GRAMD1B: variants seen among roughly 807,000 people sequenced by gnomAD.
The protein encoded by GRAMD1B is protein Aster-B.
A neutral mutation model predicts 99.7 loss-of-function variants in GRAMD1B; 37 were observed. The observed-to-expected ratio is 0.37, with a 90% CI of 0.29 to 0.49. The LOEUF is 0.49. Ranked by LOEUF, GRAMD1B falls within the 20% of genes least tolerant of loss-of-function variation. GRAMD1B has a pLI of 0.98. For synonymous variants in GRAMD1B, 427 were observed against 387.6 expected (o/e 1.10, Z -1.19); for missense variants, 888 against 1,009.2 (o/e 0.88, Z 1.63).
intron 1 of GRAMD1B, among the ~76,000 whole-genome samples, chr11:123,403,486 TA>T (rs1947745106): frequency 2.0e-5 from 3 of 146,406 alleles, no homozygotes; most frequent in African/African-American, 7.6e-5. Context: ...ATAATAATAA[TA>T]ATAATTTCGT....
At chr11:123,598,792 A>G in intron 7 of GRAMD1B, 1 of 999,506 alleles carries the variant, frequency 1.0e-6, no homozygotes, top group African/African-American at 1.6e-5. Context: ...CCATTCTCCC[A>G]TTTCTTCTCA....
chr11:123,532,889 A>T (rs887052895), intron 2 of GRAMD1B, among the ~76,000 whole-genome samples: 4 of 152,232 alleles, frequency 2.6e-5, no homozygotes, highest in African/African-American at 9.6e-5. Context: ...GGCTGATCTA[A>T]AACATTTATT....
At chr11:123,523,827 G>T (rs1942429297) in intron 2 of GRAMD1B, among the ~76,000 whole-genome samples, 1 of 152,170 alleles carries the variant, frequency 6.6e-6, no homozygotes, top group Non-Finnish European at 1.5e-5. Flanking sequence ...TTCAATATCT[G>T]TGCTGAAAGT....
At chr11:123,536,913 C>T (rs755776168) in intron 2 of GRAMD1B, among the ~76,000 whole-genome samples, 1 of 152,120 alleles carries the variant, frequency 6.6e-6, no homozygotes, top group Non-Finnish European at 1.5e-5. Context: ...GGCAAGTCAC[C>T]AATGACCTCA....
At chr11:123,601,989 A>G (rs1242998194) in intron 8 of GRAMD1B, among the ~76,000 whole-genome samples, 3 of 152,234 alleles carry the variant, frequency 2.0e-5, no homozygotes, top group South Asian at 2.1e-4. Context: ...GCAGGGCAGT[A>G]TATGGTTTGG....
intron 2 of GRAMD1B, among the ~76,000 whole-genome samples, chr11:123,553,358 C>T (rs1945816103): frequency 1.0e-5 from 1 of 98,908 alleles, no homozygotes; most frequent in African/African-American, 5.7e-5. Context: ...AAGCTCTGTT[C>T]CCAGTGAGCT....
At chr11:123,442,296 T>C (rs1949445602) in intron 1 of GRAMD1B, among the ~76,000 whole-genome samples, 1 of 152,184 alleles carries the variant, frequency 6.6e-6, no homozygotes, top group Non-Finnish European at 1.5e-5. Context: ...CTGAGATCTA[T>C]ACTTCTGACC....
At chr11:123,609,150 G>A (rs966030821) in intron 12 of GRAMD1B, among the ~76,000 whole-genome samples, 10 of 152,126 alleles carry the variant, frequency 6.6e-5, no homozygotes, top group African/African-American at 2.4e-4. Flanking sequence ...TGCCATGCAC[G>A]TGACGTTATC....
intron 2 of GRAMD1B, among the ~76,000 whole-genome samples, chr11:123,506,032 G>A (rs1440679369): frequency 6.6e-6 from 1 of 152,184 alleles, no homozygotes; most frequent in Non-Finnish European, 1.5e-5. Flanking sequence ...GGAGAGAAGG[G>A]ATTTCACCTC....
In GRAMD1B at chr11:123,622,952, TA is replaced by T. The variant is rs1339713972; in HGVS notation, c.*359del. On this transcript the variant is annotated 3_prime_UTR_variant, in exon 20 of 20. Coordinates refer to ENST00000635736, the MANE Select transcript of GRAMD1B (RefSeq NM_001387025.1). ...GCCAAAGTTATGCCTGCGAAGACCC[TA>T]AGGTCTCAAAAAGAAGTCTTAAGAC... 1 of 152,386 alleles carries T rather than the reference TA, an allele frequency of 6.6e-6. No individual in the cohort carries two copies. Among genetic ancestry groups the T allele is most frequent in the East Asian group, 1.9e-4 (1 of 5,180 alleles). The allele number at this position is 152,386 out of a possible 1,614,324, so 9.4% of individuals were successfully genotyped here. A position where few individuals can be genotyped will look rare whatever the true frequency, so the allele number is the denominator to read the frequency against.
Position 123,492,881 on chromosome 11 carries a change from C to CACACAT in GRAMD1B, c.452+11993_452+11994insTACACA, listed in dbSNP as rs1183515617. Among the ~76,000 whole-genome samples, 3 of 151,838 alleles carry CACACAT rather than the reference C, an allele frequency of 2.0e-5. No homozygotes were observed. The highest frequency in any genetic ancestry group is 6.6e-5 in the Admixed American group (1 of 15,238). On this transcript the variant is annotated intron_variant, in intron 2 of 19. Transcript: ENST00000635736. This position sits in a 1 kb window ranked among gnomAD's most constrained non-coding sequence, Gnocchi z 4.2. ...TTTCACACATACACACACACACACACACACACACACACACGCATAGGCATA... is the reference window on the plus strand; with the variant it reads ...TTTCACACATACACACACACACACACACACATACACACACACACACGCATAGGCATA...
intron 1 of GRAMD1B, among the ~76,000 whole-genome samples, chr11:123,464,593 A>C (rs976572234): frequency 1.3e-5 from 2 of 152,132 alleles, no homozygotes; most frequent in South Asian, 4.1e-4. Context: ...GCCTGTTAAA[A>C]CTCCTTCAGG....
intron 2 of GRAMD1B, among the ~76,000 whole-genome samples, chr11:123,566,639 G>A (rs551112515): frequency 1.9e-4 from 29 of 152,240 alleles, no homozygotes; most frequent in Non-Finnish European, 3.4e-4. Context: ...GGTGGCGGGC[G>A]CCTGTAGTCC....
chr11:123,437,554 A>T (rs180764945), intron 1 of GRAMD1B, among the ~76,000 whole-genome samples: 1 of 152,038 alleles, frequency 6.6e-6, no homozygotes, highest in Non-Finnish European at 1.5e-5. Context: ...CCTGGCTGTT[A>T]TGTCCCTTCT....
intron 1 of GRAMD1B, among the ~76,000 whole-genome samples, chr11:123,400,369 C>T (rs974946993): frequency 1.8e-4 from 28 of 152,014 alleles, no homozygotes; most frequent in African/African-American, 5.8e-4. Flanking sequence ...CCCAGCTACT[C>T]GGGAGGCTGA....
At chr11:123,520,939 G>A (rs1481296149) in intron 2 of GRAMD1B, among the ~76,000 whole-genome samples, 2 of 152,130 alleles carry the variant, frequency 1.3e-5, no homozygotes, top group Admixed American at 6.6e-5. Flanking sequence ...TCAATGCTGT[G>A]TACTGTTCCA....
At chr11:123,397,457 T>C (rs903715401) in intron 1 of GRAMD1B, among the ~76,000 whole-genome samples, 1 of 147,778 alleles carries the variant, frequency 6.8e-6, no homozygotes, top group Non-Finnish European at 1.5e-5. Context: ...ATGAAAAATA[T>C]TTGACCCAGG....
intron 2 of GRAMD1B, among the ~76,000 whole-genome samples, chr11:123,538,156 A>G (rs972853613): frequency 6.6e-6 from 1 of 151,710 alleles, no homozygotes; most frequent in African/African-American, 2.4e-5. Flanking sequence ...ATTTATAACT[A>G]TCTCCCATCC....
chr11:123,375,139 G>A (rs1467758104), intron 1 of GRAMD1B, among the ~76,000 whole-genome samples: 1 of 152,172 alleles, frequency 6.6e-6, no homozygotes, highest in Non-Finnish European at 1.5e-5. Flanking sequence ...ATTTTAGAGA[G>A]GAGGAAACTA....
Sources: allele counts gnomAD v4.1 joint callset (sites outside exome capture counted in the v4.1 genomes callset), GRCh38; gene constraint gnomAD v4.1.1; non-coding constraint Gnocchi (gnomAD v3.1); transcripts MANE v1.5; gene names NCBI Gene and HGNC (gene_info 2026-07-23, HGNC 2026-07-21).